KCNQ3: variants seen among roughly 807,000 people sequenced by gnomAD.
KCNQ3 encodes the protein potassium voltage-gated channel subfamily KQT member 3.
KCNQ3 carries 30 observed loss-of-function variants against 92.5 expected under a neutral mutation model. The observed-to-expected ratio is 0.32, with a 90% CI of 0.24 to 0.44. The LOEUF (loss-of-function observed/expected upper bound fraction) is 0.44. Ranked by LOEUF, KCNQ3 falls within the 20% of genes least tolerant of loss-of-function variation. The probability of loss-of-function intolerance (pLI) is 1.00; values close to 1 mark genes in which losing one functional copy is unlikely to be tolerated. For synonymous variants in KCNQ3, 450 were observed against 468.8 expected (o/e 0.96, Z 0.52); for missense variants, 913 against 1,140.3 (o/e 0.80, Z 2.87).
intron 1 of KCNQ3, among the ~76,000 whole-genome samples, chr8:132,349,921 G>A (rs73343853): frequency 0.24 from 36,448 of 152,112 alleles, 4,871 homozygotes; most frequent in African/African-American, 0.36. Context: ...GAAATGACAC[G>A]CTGAAGGCTA....
At chr8:132,252,897 C>T (rs745309101) in intron 1 of KCNQ3, among the ~76,000 whole-genome samples, 21 of 152,204 alleles carry the variant, frequency 1.4e-4, no homozygotes, top group Admixed American at 5.9e-4. Flanking sequence ...AGCATATAGA[C>T]ATTCAGAGAG....
intron 1 of KCNQ3, among the ~76,000 whole-genome samples, chr8:132,269,927 GT>G (rs746751703): frequency 7.9e-5 from 12 of 152,128 alleles, no homozygotes; most frequent in Non-Finnish European, 8.8e-5. Context: ...ATGGGTGGGG[GT>G]AGGGCAAAAG....
At chr8:132,209,109 G>C (rs1390522600) in intron 1 of KCNQ3, among the ~76,000 whole-genome samples, 1 of 152,164 alleles carries the variant, frequency 6.6e-6, no homozygotes, top group Non-Finnish European at 1.5e-5. Context: ...CATGGGAAGA[G>C]AGACAGGTCA....
intron 1 of KCNQ3, among the ~76,000 whole-genome samples, chr8:132,432,223 G>A (rs1364773503): frequency 6.6e-6 from 1 of 152,146 alleles, no homozygotes; most frequent in East Asian, 1.9e-4. Context: ...CAGGCCCTCA[G>A]TGCACGTTTG....
rs1824804114 is a variant in KCNQ3, at chr8:132,129,789, T to C, written c.2092A>G (p.Ser698Gly). ...SETGPPEPPY[S>G]FHQVTIDKVS... ...TTGTCAATGGTCACCTGGTGGAAGCTGTAGGGTGGTTCCGGGGGGCCTGTC... is the reference window on the plus strand; with the variant it reads ...TTGTCAATGGTCACCTGGTGGAAGCCGTAGGGTGGTTCCGGGGGGCCTGTC... The change falls in exon 15 of 15, where the codon AGC becomes GGC. Residue 698 changes from serine (S) to glycine (G), a missense_variant. By Grantham distance (56) the Ser-to-Gly change is moderately conservative. Transcript: ENST00000388996. The surrounding 1 kb of genome is among the most constrained non-coding windows in gnomAD (Gnocchi z 5.9). The C allele has an allele frequency of 6.2e-7, 1 of 1,614,024 alleles. No individual in the cohort carries two copies. The highest frequency in any genetic ancestry group is 1.3e-5 in the African/African-American group (1 of 74,910).
chr8:132,221,734 C>T (rs926577712), intron 1 of KCNQ3, among the ~76,000 whole-genome samples: 6 of 152,086 alleles, frequency 3.9e-5, no homozygotes, highest in African/African-American at 1.4e-4. Flanking sequence ...ACCAATGGAA[C>T]AGAACAGAGG....
chr8:132,208,950 G>T (rs918478629), intron 1 of KCNQ3, among the ~76,000 whole-genome samples: 2 of 152,138 alleles, frequency 1.3e-5, no homozygotes, highest in South Asian at 4.1e-4. Context: ...GGGTCTGGGA[G>T]GGGGAAGCAG....
At chr8:132,477,802 C>A (rs781126341) in intron 1 of KCNQ3, among the ~76,000 whole-genome samples, 8 of 152,166 alleles carry the variant, frequency 5.3e-5, no homozygotes, top group Non-Finnish European at 1.2e-4. Context: ...CATGGCCCTG[C>A]ATTAACAATG....
At chr8:132,467,948 C>T (rs1337154446) in intron 1 of KCNQ3, among the ~76,000 whole-genome samples, 2 of 152,178 alleles carry the variant, frequency 1.3e-5, no homozygotes, top group African/African-American at 4.8e-5. Context: ...CCCTTAGCAG[C>T]ACCACCTTAG....
chr8:132,309,255 G>A (rs1206106383), intron 1 of KCNQ3, among the ~76,000 whole-genome samples: 1 of 152,022 alleles, frequency 6.6e-6, no homozygotes, highest in Non-Finnish European at 1.5e-5. Flanking sequence ...CCTTAATAAT[G>A]TCCCCTTTAT....
rs781058299 is a variant in KCNQ3, at chr8:132,303,565, G to GATATATATATATATATATATAT, written c.387-117385_387-117384insATATATATATATATATATATAT. ...ACTTGTGATCAGATAAAGAAAATGT[G>GATATATATATATATATATATAT]ATATATATATATATGGTGTGTGTGT... On this transcript the variant is annotated intron_variant, in intron 1 of 14. Coordinates refer to ENST00000388996, the MANE Select transcript of KCNQ3 (RefSeq NM_004519.4). Among the ~76,000 whole-genome samples, 304 of 42,526 alleles carry GATATATATATATATATATATAT rather than the reference G, an allele frequency of 7.1e-3. 52 individuals carry two copies. Among genetic ancestry groups the GATATATATATATATATATATAT allele is most frequent in the Non-Finnish European group, 9.5e-3 (223 of 23,352 alleles). 27.9% of individuals were successfully genotyped at this position (42,526 alleles called of 152,430 possible).
At chr8:132,205,337 C>G (rs1813622007) in intron 1 of KCNQ3, among the ~76,000 whole-genome samples, 1 of 152,234 alleles carries the variant, frequency 6.6e-6, no homozygotes, top group South Asian at 2.1e-4. Flanking sequence ...GTCCATTCAG[C>G]TTTGTAAACA....
chr8:132,171,109 T>C (rs1826330882), intron 7 of KCNQ3, among the ~76,000 whole-genome samples: 1 of 152,114 alleles, frequency 6.6e-6, no homozygotes, highest in African/African-American at 2.4e-5. Flanking sequence ...CAGTCAAATA[T>C]ATAGGAGAAC....
chr8:132,347,843 G>T (rs1036311657), intron 1 of KCNQ3, among the ~76,000 whole-genome samples: 1 of 152,078 alleles, frequency 6.6e-6, no homozygotes, highest in South Asian at 2.1e-4. Flanking sequence ...CGGGCCTGGT[G>T]GTGGGCGCCT....
rs200647826 is a variant in KCNQ3, at chr8:132,129,270, G to A, written c.2611C>T (p.Pro871Ser). The change falls in exon 15 of 15, where the codon CCC becomes TCC. Residue 871 changes from proline to serine, a missense_variant. By Grantham distance (74) the Pro-to-Ser change is moderately conservative. Around this residue, in one of 6 missense-constraint regions of KCNQ3, gnomAD observed 375 missense variants for 376.4 expected, o/e 1.00. Coordinates refer to ENST00000388996, the MANE Select transcript of KCNQ3 (RefSeq NM_004519.4). This position sits in a 1 kb window ranked among gnomAD's most constrained non-coding sequence, Gnocchi z 5.9. ...SDSVWTPSNK[P>S]I ...TCAGCCAGTGACCTCTTTTAAATGG[G>A]CTTATTGGAAGGGGTCCATACTGAA... The A allele has an allele frequency of 6.2e-7, 1 of 1,611,490 alleles. No individual in the cohort carries two copies. The highest frequency in any genetic ancestry group is 1.3e-5 in the African/African-American group (1 of 74,932).
At chr8:132,337,410 T>C (rs1198162067) in intron 1 of KCNQ3, among the ~76,000 whole-genome samples, 1 of 152,042 alleles carries the variant, frequency 6.6e-6, no homozygotes. Context: ...GGCAGGAGAA[T>C]TGCTTGAGCC....
chr8:132,221,627 T>A (rs964269760), intron 1 of KCNQ3, among the ~76,000 whole-genome samples: 3 of 152,230 alleles, frequency 2.0e-5, no homozygotes, highest in African/African-American at 4.8e-5. Flanking sequence ...TTGAGAAGTG[T>A]CTGTTCATAT....
At position 132,390,398 on chromosome 8, in the gene KCNQ3, T is replaced by C. The variant is rs139991722; in HGVS notation, c.386+89749A>G. 2.8e-4 allele frequency among the ~76,000 whole-genome samples: 43 copies of C among 152,288 alleles called. 2 individuals carry two copies. In the East Asian group the frequency reaches 8.1e-3, roughly 29 times the overall value. ...TTGCTCCTGGTGGTGACACAGTTGT[T>C]CTCTTTACAGTAATTCAGCTGTACA... On this transcript the variant is annotated intron_variant, in intron 1 of 14. Transcript: ENST00000388996.
chr8:132,347,064 G>A lies in KCNQ3; in HGVS notation c.386+133083C>T, dbSNP rs117550363. On this transcript the variant is annotated intron_variant, in intron 1 of 14. Coordinates refer to ENST00000388996, the MANE Select transcript of KCNQ3 (RefSeq NM_004519.4). The stretch of plus-strand genomic sequence containing the variant: ...CATTGTCTTGTGTGGGCGGATTCAC[G>A]CAGGTAGGATACCTGCCTGGCCCCT... Among the ~76,000 whole-genome samples the A allele has an allele frequency of 6.3e-3, 963 of 152,272 alleles. 11 individuals carry two copies. The highest frequency in any genetic ancestry group is 0.014 in the Middle Eastern group (4 of 294).
Sources: allele counts gnomAD v4.1 joint callset (sites outside exome capture counted in the v4.1 genomes callset), GRCh38; gene constraint gnomAD v4.1.1; regional missense constraint gnomAD v4.1.1; non-coding constraint Gnocchi (gnomAD v3.1); transcripts MANE v1.5; gene names NCBI Gene and HGNC (gene_info 2026-07-23, HGNC 2026-07-21).